Variants in TUSC3 observed in about 807,000 individuals in gnomAD.
TUSC3 encodes the protein tumor suppressor candidate 3.
Under a neutral mutation model 44.8 loss-of-function variants are expected in TUSC3, and 45 were observed. That is an observed-to-expected ratio of 1.00 (90% CI 0.79 to 1.29). The LOEUF is 1.29. Among genes scored for constraint, TUSC3 ranks in the 50% most tolerant of loss-of-function variants. TUSC3 has a pLI of 0.00. For missense variants in TUSC3, 519 were observed against 437.9 expected (o/e 1.19, Z -1.65); for synonymous variants, 212 against 152.9 (o/e 1.39, Z -2.85).
At chr8:15,825,968 C>T in the TUSC3 span, among the ~76,000 whole-genome samples, 26 of 146,322 alleles carry the variant, frequency 1.8e-4, no homozygotes, top group Non-Finnish European at 6.0e-5. Context: ...CATGTACAGA[C>T]TTGAACACAT....
At chr8:15,714,292 G>T (rs1273712784) in intron 6 of TUSC3, among the ~76,000 whole-genome samples, 1 of 152,106 alleles carries the variant, frequency 6.6e-6, no homozygotes, top group East Asian at 1.9e-4. Context: ...AACAAGTGTA[G>T]CAGTATATAT....
At chr8:15,432,015 G>C (rs7837808) in intron 1 of TUSC3, among the ~76,000 whole-genome samples, 24,680 of 151,394 alleles carry the variant, frequency 0.16, 2,087 homozygotes, top group Middle Eastern at 0.22. Context: ...AATGGCATTT[G>C]ATTTGCTAGT....
At chr8:15,511,917 A>G (rs1801141294) in intron 2 of TUSC3, among the ~76,000 whole-genome samples, 1 of 152,146 alleles carries the variant, frequency 6.6e-6, no homozygotes, top group African/African-American at 2.4e-5. Context: ...AGTAGACTCA[A>G]TATTACAAAG....
intron 2 of TUSC3, among the ~76,000 whole-genome samples, chr8:15,639,143 C>T (rs1806241853): frequency 6.7e-6 from 1 of 150,046 alleles, no homozygotes; most frequent in African/African-American, 2.5e-5. Flanking sequence ...ATGTTCAGGG[C>T]TTCAGTGATG....
intron 1 of TUSC3, among the ~76,000 whole-genome samples, chr8:15,574,928 T>G (rs1352567004): frequency 1.3e-5 from 2 of 152,144 alleles, no homozygotes; most frequent in African/African-American, 4.8e-5. Flanking sequence ...TGAAACTAAC[T>G]ATTCTAGTGT....
chr8:15,697,843 C>T (rs140057996), intron 6 of TUSC3, among the ~76,000 whole-genome samples: 66 of 152,186 alleles, frequency 4.3e-4, no homozygotes, highest in African/African-American at 1.5e-3. Context: ...TAGCTATATA[C>T]AATGCAAAGA....
chr8:15,702,159 ACT>A (rs1809434657), intron 6 of TUSC3, among the ~76,000 whole-genome samples: 1 of 151,736 alleles, frequency 6.6e-6, no homozygotes, highest in Non-Finnish European at 1.5e-5. Flanking sequence ...CCTTTTGTAG[ACT>A]CTTTTTGTTT....
intron 1 of TUSC3, among the ~76,000 whole-genome samples, chr8:15,465,125 G>A (rs1053556808): frequency 6.6e-6 from 1 of 152,144 alleles, no homozygotes; most frequent in Non-Finnish European, 1.5e-5. Context: ...GGGATTACAG[G>A]CATGAGCCAC....
In TUSC3 at chr8:15,647,300, A is replaced by C. The variant is rs181521417; in HGVS notation, c.309-3397A>C. On this transcript the variant is annotated intron_variant, in intron 2 of 10. Coordinates refer to ENST00000503731, the MANE Select transcript of TUSC3 (RefSeq NM_006765.4). ...GATAACCCCTGACCCGCTCAAAAGA[A>C]TATATTTAAATAATCTTTCTAATCA... Among the ~76,000 whole-genome samples the C allele has an allele frequency of 6.9e-3, 1,050 of 152,298 alleles. 12 individuals carry two copies. The highest frequency in any genetic ancestry group is 0.024 in the African/African-American group (1,000 of 41,574).
At chr8:15,567,897 G>A (rs745578785) in intron 1 of TUSC3, among the ~76,000 whole-genome samples, 3 of 152,092 alleles carry the variant, frequency 2.0e-5, no homozygotes, top group Non-Finnish European at 2.9e-5. Context: ...TTGGGTTGTT[G>A]GTAATGAAAG....
At chr8:15,656,998 G>T (rs1182579012) in intron 3 of TUSC3, among the ~76,000 whole-genome samples, 2 of 152,128 alleles carry the variant, frequency 1.3e-5, no homozygotes, top group Admixed American at 6.5e-5. Flanking sequence ...AGTATGCAGG[G>T]AGTGGACACC....
chr8:15,694,932 A>C (rs1477056615), intron 6 of TUSC3, among the ~76,000 whole-genome samples: 1 of 152,194 alleles, frequency 6.6e-6, no homozygotes, highest in Non-Finnish European at 1.5e-5. Flanking sequence ...GGCAGGGTGC[A>C]TGCTCGTTGC....
intron 10 of TUSC3, among the ~76,000 whole-genome samples, chr8:15,758,461 A>G (rs1812026895): frequency 6.6e-6 from 1 of 151,950 alleles, no homozygotes; most frequent in South Asian, 2.1e-4. Context: ...TTCACAATCC[A>G]GTTTTTTGAT....
At chr8:15,851,093 G>T in the TUSC3 span, among the ~76,000 whole-genome samples, 4 of 152,212 alleles carry the variant, frequency 2.6e-5, no homozygotes, top group African/African-American at 9.6e-5. Context: ...TTTTCGGAAG[G>T]TAACACCTTA....
At chr8:15,645,370 C>G (rs1022294442) in intron 2 of TUSC3, among the ~76,000 whole-genome samples, 6 of 152,092 alleles carry the variant, frequency 3.9e-5, no homozygotes, top group South Asian at 2.1e-4. Flanking sequence ...ACTTTTCTCT[C>G]CCTGTCCTTG....
intron 1 of TUSC3, among the ~76,000 whole-genome samples, chr8:15,596,485 C>T (rs1804072447): frequency 6.6e-6 from 1 of 152,130 alleles, no homozygotes; most frequent in East Asian, 1.9e-4. Context: ...GCAAGACCAA[C>T]TGCAGGGCTT....
chr8:15,799,209 A>C, the TUSC3 span, among the ~76,000 whole-genome samples: 1 of 152,150 alleles, frequency 6.6e-6, no homozygotes, highest in Non-Finnish European at 1.5e-5. Context: ...GGAGGCATTG[A>C]GCTGTAAGAT....
At chr8:15,807,212 G>A in the TUSC3 span, 8 of 700,748 alleles carry the variant, frequency 1.1e-5, no homozygotes, top group South Asian at 4.5e-5. Flanking sequence ...TGCGTAGCTC[G>A]TATCGCAACT....
At chr8:15,807,566 C>T in the TUSC3 span, among the ~76,000 whole-genome samples, 17 of 152,246 alleles carry the variant, frequency 1.1e-4, no homozygotes, top group African/African-American at 3.9e-4. Flanking sequence ...AAGACATATA[C>T]TTTTATGTTC....
Sources: gnomAD v4.1 joint callset for allele counts (sites outside exome capture counted in the v4.1 genomes callset) on GRCh38, gnomAD v4.1.1 for gene constraint, MANE v1.5 for transcripts, NCBI Gene and HGNC (gene_info 2026-07-23, HGNC 2026-07-21) for gene names.